Variants in LPP observed in about 807,000 individuals in gnomAD.
LPP encodes LIM domain containing preferred translocation partner in lipoma, also known as lipoma-preferred partner.
LPP carries 38 observed loss-of-function variants against 60.4 expected under a neutral mutation model. The ratio of observed to expected loss-of-function variants is 0.63; its 90% confidence interval spans 0.49 to 0.83. LPP has a LOEUF of 0.83. Among genes scored for constraint, LPP ranks in the 40% least tolerant of loss-of-function variants. The pLI, the probability that LPP is intolerant of heterozygous loss-of-function variation, is 0.00. For missense variants in LPP, 902 were observed against 783.6 expected (o/e 1.15, Z -1.80); for synonymous variants, 328 against 290.8 (o/e 1.13, Z -1.30).
chr3:188,854,765 G>C (rs1273081356), intron 9 of LPP, among the ~76,000 whole-genome samples: 1 of 152,172 alleles, frequency 6.6e-6, no homozygotes, highest in Non-Finnish European at 1.5e-5. Context: ...CATGACCCTA[G>C]TTGTTTGGCT....
chr3:188,627,955 A>G (rs996198635), intron 7 of LPP, among the ~76,000 whole-genome samples: 1 of 152,172 alleles, frequency 6.6e-6, no homozygotes, highest in African/African-American at 2.4e-5. Context: ...ATCAATACTA[A>G]GATCTCTCAA....
At chr3:188,835,567 C>T (rs1560273362) in intron 9 of LPP, among the ~76,000 whole-genome samples, 1 of 151,672 alleles carries the variant, frequency 6.6e-6, no homozygotes, top group Non-Finnish European at 1.5e-5. Flanking sequence ...TACAGTGAGC[C>T]AAAATTGCAC....
intron 1 of LPP, among the ~76,000 whole-genome samples, chr3:188,223,319 TG>T (rs1017507696): frequency 9.9e-5 from 15 of 151,932 alleles, no homozygotes; most frequent in African/African-American, 3.6e-4. Flanking sequence ...TATAACCGGG[TG>T]GGGGGGATAA....
intron 6 of LPP, among the ~76,000 whole-genome samples, chr3:188,599,751 G>GAGGGGTGTGTGTGTGTGTGT (rs1553938530): frequency 7.2e-6 from 1 of 139,828 alleles, no homozygotes; most frequent in African/African-American, 2.7e-5. Flanking sequence ...ACTCGTTAGG[G>GAGGGGTGTGTGTGTGTGTGT]GTGTGTGTGT....
In LPP at chr3:188,167,721, AG is replaced by A. The variant is rs1180281038; in HGVS notation, c.-190+13470del. On this transcript the variant is annotated intron_variant, in intron 1 of 11. Coordinates refer to ENST00000617246, the MANE Select transcript of LPP (RefSeq NM_001375462.1). ...TTGCTGACTGGCTAAATATGTTTTAAGTTCTTTCAGAGAAGAATTATAGCAC... is the reference window on the plus strand; with the variant it reads ...TTGCTGACTGGCTAAATATGTTTTAATTCTTTCAGAGAAGAATTATAGCAC... Among the ~76,000 whole-genome samples the A allele has an allele frequency of 4.0e-5, 6 of 151,814 alleles. No individual in the cohort carries two copies. In the East Asian group the frequency reaches 1.2e-3, roughly 29 times the overall value.
intron 7 of LPP, among the ~76,000 whole-genome samples, chr3:188,694,437 T>C (rs1264924881): frequency 6.6e-6 from 1 of 152,086 alleles, no homozygotes; most frequent in African/African-American, 2.4e-5. Flanking sequence ...GCATGGTGGC[T>C]CATGCCTGTA....
chr3:188,860,651 A>AAC (rs34235209), intron 9 of LPP, among the ~76,000 whole-genome samples: 4 of 151,262 alleles, frequency 2.6e-5, no homozygotes, highest in Non-Finnish European at 5.9e-5. Flanking sequence ...GAAAAAAAAA[A>AAC]CTTATTTTAT....
intron 7 of LPP, among the ~76,000 whole-genome samples, chr3:188,636,785 C>A (rs946147532): frequency 2.6e-5 from 4 of 151,910 alleles, no homozygotes; most frequent in Admixed American, 6.6e-5. Flanking sequence ...GAGGCACCCC[C>A]CTGCAGGGGC....
chr3:188,640,570 A>G (rs1381772533), intron 7 of LPP, among the ~76,000 whole-genome samples: 3 of 151,216 alleles, frequency 2.0e-5, no homozygotes, highest in African/African-American at 7.3e-5. Context: ...AAAGAAACAG[A>G]TCCCTCATGG....
intron 8 of LPP, among the ~76,000 whole-genome samples, chr3:188,751,908 A>G (rs2150328884): frequency 6.6e-6 from 1 of 152,334 alleles, no homozygotes; most frequent in African/African-American, 2.4e-5. Context: ...TGAAATTTCT[A>G]CCGAAAAATT....
At position 188,325,237 on chromosome 3, in the gene LPP, T is replaced by C. The variant is rs185090242; in HGVS notation, c.-66-16426T>C. On this transcript the variant is annotated intron_variant, in intron 2 of 11. Coordinates refer to ENST00000617246, the MANE Select transcript of LPP (RefSeq NM_001375462.1). ...CTCAGGTGATCCACCCGCCTCGGCCTCCCAAAGTGCTGGAATTACAGGTGT... is the reference window on the plus strand; with the variant it reads ...CTCAGGTGATCCACCCGCCTCGGCCCCCCAAAGTGCTGGAATTACAGGTGT... Among the ~76,000 whole-genome samples the C allele has an allele frequency of 1.3e-3, 203 of 152,280 alleles. 1 individual carries two copies. Among genetic ancestry groups the C allele is most frequent in the African/African-American group, 4.8e-3 (198 of 41,562 alleles).
chr3:188,355,270 G>T, intron 3 of LPP, among the ~76,000 whole-genome samples: 1 of 152,160 alleles, frequency 6.6e-6, no homozygotes, highest in East Asian at 1.9e-4. Flanking sequence ...GCCTCCCAAA[G>T]TGCTGGGATT....
chr3:188,216,844 A>G (rs1577341789), intron 1 of LPP, among the ~76,000 whole-genome samples: 1 of 152,204 alleles, frequency 6.6e-6, no homozygotes, highest in South Asian at 2.1e-4. Context: ...TTAGTGACCA[A>G]TGTGTATTTG....
intron 7 of LPP, among the ~76,000 whole-genome samples, chr3:188,678,360 T>G (rs957886881): frequency 1.3e-5 from 2 of 152,240 alleles, no homozygotes; most frequent in African/African-American, 4.8e-5. Flanking sequence ...AGCATTTTGT[T>G]AAACTATTCC....
chr3:188,715,376 CAAAAAAAAAAAAAAAAAAAAAA>C (rs35761284), intron 8 of LPP, among the ~76,000 whole-genome samples: 7 of 63,682 alleles, frequency 1.1e-4, no homozygotes, highest in African/African-American at 6.2e-4. Context: ...GACTCCGTCT[CAAAAAAAAAAAAAAAAAAAAAA>C]AAAAAAAAGG....
chr3:188,239,143 T>C (rs542962546), intron 2 of LPP, among the ~76,000 whole-genome samples: 1 of 152,192 alleles, frequency 6.6e-6, no homozygotes, highest in African/African-American at 2.4e-5. Flanking sequence ...TGCCGTGGGG[T>C]TTCCCTCCAT....
Position 188,872,768 on chromosome 3 carries a change from G to A in LPP, c.1710+5G>A, listed in dbSNP as rs1768459732. On this transcript the variant is annotated splice_donor_5th_base_variant and intron_variant, in intron 11 of 11. Coordinates refer to ENST00000617246, the MANE Select transcript of LPP (RefSeq NM_001375462.1). The stretch of plus-strand genomic sequence containing the variant: ...GTTCACTGCTACCGATGCGAGGTCT[G>A]GTTGACAGCCCTGCCCTGCCAGTCT... The A allele has an allele frequency of 6.2e-7, 1 of 1,613,732 alleles. No individual in the cohort carries two copies. Among genetic ancestry groups the A allele is most frequent in the Admixed American group, 1.7e-5 (1 of 59,992 alleles).
intron 9 of LPP, among the ~76,000 whole-genome samples, chr3:188,859,884 A>G (rs960977744): frequency 6.6e-6 from 1 of 152,130 alleles, no homozygotes; most frequent in Non-Finnish European, 1.5e-5. Flanking sequence ...AACGTTTCCT[A>G]TCTATCAGGA....
At chr3:188,201,116 C>G (rs9838311) in intron 1 of LPP, among the ~76,000 whole-genome samples, 3,426 of 152,234 alleles carry the variant, frequency 0.023, 48 homozygotes, top group South Asian at 0.035. Context: ...TACAAAATTT[C>G]TTCACAAACA....
Sources: allele counts gnomAD v4.1 joint callset (sites outside exome capture counted in the v4.1 genomes callset), GRCh38; gene constraint gnomAD v4.1.1; transcripts MANE v1.5; gene names NCBI Gene and HGNC (gene_info 2026-07-23, HGNC 2026-07-21).